Variants in TSPEAR observed in about 807,000 individuals in gnomAD.
TSPEAR encodes the protein thrombospondin-type laminin G domain and EAR repeat-containing protein.
Under a neutral mutation model 71.6 loss-of-function variants are expected in TSPEAR, and 69 were observed. The observed-to-expected ratio is 0.96, with a 90% CI of 0.79 to 1.18. The LOEUF (loss-of-function observed/expected upper bound fraction) is 1.18. Ranked by LOEUF, TSPEAR falls within the 50% of genes most tolerant of loss-of-function variation. The pLI is 0.00. For synonymous variants in TSPEAR, 402 were observed against 387.2 expected (o/e 1.04, Z -0.45); for missense variants, 971 against 894.9 (o/e 1.09, Z -1.09).
rs781998727 is a variant in TSPEAR, at chr21:44,539,259, C to T, written c.304-5336G>A. 1.6e-5 allele frequency: 26 copies of T among 1,590,794 alleles called. No individual in the cohort carries two copies. In the Admixed American group the frequency reaches 1.7e-4, roughly 10 times the overall value. On this transcript the variant is annotated intron_variant, in intron 2 of 11. Transcript: ENST00000323084. ...GGAACTGAGCCCAGCTGGCCCAGGG[C>T]GGGTGCCCATCAGCAGCTGGACTCC...
chr21:44,649,738 G>A (rs1157958316), intron 1 of TSPEAR, among the ~76,000 whole-genome samples: 5 of 152,294 alleles, frequency 3.3e-5, no homozygotes, highest in East Asian at 1.9e-4. Flanking sequence ...GCCCAGCTTC[G>A]GGCCTTCCTG....
intron 1 of TSPEAR, among the ~76,000 whole-genome samples, chr21:44,664,881 G>A (rs1298224962): frequency 2.6e-5 from 4 of 152,248 alleles, no homozygotes; most frequent in African/African-American, 9.6e-5. Flanking sequence ...GGCGGGGGCT[G>A]AGCCAGGCCT....
intron 1 of TSPEAR, among the ~76,000 whole-genome samples, chr21:44,582,958 G>A (rs1192284397): frequency 1.3e-5 from 2 of 152,106 alleles, no homozygotes; most frequent in Non-Finnish European, 2.9e-5. Flanking sequence ...GAGTAGCTGG[G>A]ATTACAGGTG....
chr21:44,600,361 G>A (rs910460266), intron 1 of TSPEAR, among the ~76,000 whole-genome samples: 5 of 152,152 alleles, frequency 3.3e-5, no homozygotes, highest in East Asian at 3.9e-4. Flanking sequence ...GTGAGGGTGC[G>A]TCAACGGAAC....
chr21:44,698,901 T>A (rs915697818), intron 1 of TSPEAR, among the ~76,000 whole-genome samples: 4 of 152,084 alleles, frequency 2.6e-5, no homozygotes, highest in African/African-American at 7.2e-5. Flanking sequence ...TGAAACCTTG[T>A]CTCCATTAAA....
intron 1 of TSPEAR, among the ~76,000 whole-genome samples, chr21:44,689,044 C>A (rs1555949336): frequency 6.6e-6 from 1 of 152,100 alleles, no homozygotes; most frequent in East Asian, 1.9e-4. Flanking sequence ...GGTGGGGGCT[C>A]CTCCAGCAGA....
chr21:44,575,002 G>C lies in TSPEAR; in HGVS notation c.83-6997C>G, dbSNP rs782264927. 1.9e-6 allele frequency: 3 copies of C among 1,605,710 alleles called. No individual in the cohort carries two copies. In the East Asian group the frequency reaches 6.7e-5, roughly 36 times the overall value. ...TCCCGCCCAGCCTGCTGAGGCCTCC[G>C]CTCAGGTCAGAAGCCCAGCTGCTGA... On this transcript the variant is annotated intron_variant, in intron 1 of 11. Coordinates refer to ENST00000323084, the MANE Select transcript of TSPEAR (RefSeq NM_144991.3).
chr21:44,571,504 A>C (rs1324082651), intron 1 of TSPEAR, among the ~76,000 whole-genome samples: 1 of 152,124 alleles, frequency 6.6e-6, no homozygotes, highest in Non-Finnish European at 1.5e-5. Context: ...GGAAAGCAAC[A>C]CCCCAGTAGT....
At chr21:44,580,227 G>C (rs201789767) in intron 1 of TSPEAR, 17 of 1,614,010 alleles carry the variant, frequency 1.1e-5, no homozygotes, top group Middle Eastern at 3.3e-4. Context: ...CAGCAAGTTG[G>C]CTGGCAGCTA....
intron 1 of TSPEAR, among the ~76,000 whole-genome samples, chr21:44,649,994 G>A (rs1984680214): frequency 6.6e-6 from 1 of 152,190 alleles, no homozygotes; most frequent in Non-Finnish European, 1.5e-5. Context: ...GGCCGAGGAG[G>A]GAGGACCACT....
In TSPEAR at chr21:44,658,013, C is replaced by T. The variant is rs1985255925; in HGVS notation, c.82+53420G>A. Reference sequence around the variant, plus strand: ...CACCAGCTGCTCCCCAGCCTGCCAGCCAACCTGCTGCATACACAGCCCCTG... The same window carrying T: ...CACCAGCTGCTCCCCAGCCTGCCAGTCAACCTGCTGCATACACAGCCCCTG... On this transcript the variant is annotated intron_variant, in intron 1 of 11. Transcript: ENST00000323084. 3 of 1,613,768 alleles carry T rather than the reference C, an allele frequency of 1.9e-6. No homozygotes were observed. The highest frequency in any genetic ancestry group is 1.7e-5 in the Admixed American group (1 of 59,972).
At chr21:44,500,427 T>G (rs1268431555) in intron 11 of TSPEAR, among the ~76,000 whole-genome samples, 1 of 152,216 alleles carries the variant, frequency 6.6e-6, no homozygotes, top group Non-Finnish European at 1.5e-5. Context: ...GCCGCCAGGG[T>G]TTGCCTTCAA....
intron 2 of TSPEAR, among the ~76,000 whole-genome samples, chr21:44,552,142 C>T (rs145229201): frequency 1.7e-4 from 26 of 152,246 alleles, no homozygotes; most frequent in Non-Finnish European, 3.1e-4. Flanking sequence ...CCCCTGGAGC[C>T]CTGGTCAGGT....
intron 1 of TSPEAR, among the ~76,000 whole-genome samples, chr21:44,572,834 G>GACACACACACACAC (rs71199612): frequency 4.0e-5 from 5 of 124,804 alleles, no homozygotes; most frequent in African/African-American, 1.2e-4. Flanking sequence ...GGGAGATTTG[G>GACACACACACACAC]ACACACACAC....
Position 44,693,988 on chromosome 21 carries a change from T to C in TSPEAR, c.82+17445A>G, listed in dbSNP as rs377718539. Among the ~76,000 whole-genome samples, 3 of 152,312 alleles carry C rather than the reference T, an allele frequency of 2.0e-5. 1 individual carries two copies. On this transcript the variant is annotated intron_variant, in intron 1 of 11. Coordinates refer to ENST00000323084, the MANE Select transcript of TSPEAR (RefSeq NM_144991.3). Reference sequence around the variant, plus strand: ...ATTCACACTTCCCAATTTTAAAACCTACTGCAAAGCTACAGTAATCAAAAC... The same window carrying C: ...ATTCACACTTCCCAATTTTAAAACCCACTGCAAAGCTACAGTAATCAAAAC...
At chr21:44,610,185 G>A (rs949530467) in intron 1 of TSPEAR, among the ~76,000 whole-genome samples, 18 of 152,184 alleles carry the variant, frequency 1.2e-4, no homozygotes, top group South Asian at 8.3e-4. Context: ...AATTCAAGCC[G>A]GATGCAGAAA....
At chr21:44,589,306 G>A (rs146383653) in intron 1 of TSPEAR, among the ~76,000 whole-genome samples, 2 of 152,308 alleles carry the variant, frequency 1.3e-5, no homozygotes, top group African/African-American at 2.4e-5. Context: ...CACGGGAATG[G>A]GCCACATTTT....
intron 1 of TSPEAR, among the ~76,000 whole-genome samples, chr21:44,611,910 A>G (rs1555930978): frequency 6.6e-6 from 1 of 152,206 alleles, no homozygotes; most frequent in Non-Finnish European, 1.5e-5. Context: ...CTGGGACCAC[A>G]GTAACATCCC....
intron 1 of TSPEAR, among the ~76,000 whole-genome samples, chr21:44,661,014 G>A (rs1042781275): frequency 3.5e-4 from 53 of 151,906 alleles, no homozygotes; most frequent in African/African-American, 3.4e-4. Context: ...TAAATAGGCC[G>A]GGCGCGGTGG....
Sources: gnomAD v4.1 joint callset for allele counts (sites outside exome capture counted in the v4.1 genomes callset) on GRCh38, gnomAD v4.1.1 for gene constraint, MANE v1.5 for transcripts, NCBI Gene and HGNC (gene_info 2026-07-23, HGNC 2026-07-21) for gene names.